ZNF827: variants seen among roughly 807,000 people sequenced by gnomAD.
ZNF827 encodes the protein zinc finger protein 827.
ZNF827 carries 13 observed loss-of-function variants against 102.4 expected under a neutral mutation model. The observed-to-expected ratio is 0.13, with a 90% confidence interval of 0.08 to 0.20. The LOEUF is 0.20. ZNF827 is among the 10% of genes least tolerant of loss of function. The probability of loss-of-function intolerance (pLI) is 1.00; values close to 1 mark genes in which losing one functional copy is unlikely to be tolerated. For missense variants in ZNF827, 1,103 were observed against 1,344.4 expected (o/e 0.82, Z 2.81); for synonymous variants, 523 against 536.2 (o/e 0.98, Z 0.34).
Position 145,902,423 on chromosome 4 carries a change from A to C in ZNF827, c.836T>G (p.Leu279Arg), listed in dbSNP as rs780301032. 1.2e-6 allele frequency: 2 copies of C among 1,614,098 alleles called. No individual in the cohort carries two copies. The highest frequency in any genetic ancestry group is 1.7e-6 in the Non-Finnish European group (2 of 1,180,038). Residue 279 changes from leucine (L) to arginine (R), a missense_variant, in exon 2 of 15, where the codon CTT (leucine) becomes CGT (arginine). Leu to Arg is a moderately radical substitution (Grantham distance 102). This residue lies in a region of ZNF827 where 441 missense variants were observed against 458.6 expected (regional missense o/e 0.96). Transcript: ENST00000508784. The surrounding 1 kb of genome is among the most constrained non-coding windows in gnomAD (Gnocchi z 4.3). ...QEHPPPASSFLSLASMTSSAA... is the reference protein window; with the variant it reads ...QEHPPPASSFRSLASMTSSAA... ...TGAGGAGGTCATAGAAGCCAGGGAAAGGAAGGAGCTGGCCGGTGGAGGGTG... is the reference window on the plus strand; with the variant it reads ...TGAGGAGGTCATAGAAGCCAGGGAACGGAAGGAGCTGGCCGGTGGAGGGTG...
chr4:145,850,123 C>T (rs1355120748), intron 5 of ZNF827, among the ~76,000 whole-genome samples: 1 of 151,966 alleles, frequency 6.6e-6, no homozygotes, highest in African/African-American at 2.4e-5. Flanking sequence ...GATTCTCCTG[C>T]CTCAGCCTCC....
At chr4:145,784,790 A>T (rs1313084968) in intron 8 of ZNF827, among the ~76,000 whole-genome samples, 2 of 152,168 alleles carry the variant, frequency 1.3e-5, no homozygotes, top group Non-Finnish European at 2.9e-5. Context: ...TATTTTACAT[A>T]GCTTGAATGT....
At chr4:145,788,321 T>C (rs1739182118) in intron 8 of ZNF827, among the ~76,000 whole-genome samples, 1 of 152,202 alleles carries the variant, frequency 6.6e-6, no homozygotes, top group Admixed American at 6.5e-5. Context: ...AAATGGCTAG[T>C]ACTAGGTGCC....
chr4:145,885,600 TAGACAG>T (rs1291744626), intron 4 of ZNF827, 72 bp downstream of exon 4: 53 of 1,449,442 alleles, frequency 3.7e-5, no homozygotes, highest in Non-Finnish European at 2.3e-5. Context: ...AGAATACTGG[TAGACAG>T]AGACAGAGAG....
Position 145,765,737 on chromosome 4 carries a change from C to T in ZNF827, c.2862G>A (p.Gly954=), listed in dbSNP as rs1377941582. ...ATTCGCTGGGGGTCTTCCTGTCTTC[C>T]CCTGAAAAATAAGCAAATAACCCAG... ...IKTHIGTKHT[G]EDRKTPSESN... is the part of the protein sequence containing the mutation. Residue 954 remains glycine, a splice_region_variant and synonymous_variant, in exon 12 of 15, where the codon GGG becomes GGA. Transcript: ENST00000508784. This position sits in a 1 kb window ranked among gnomAD's most constrained non-coding sequence, Gnocchi z 4.7. 1 of 1,612,470 alleles carries T rather than the reference C, an allele frequency of 6.2e-7. No individual in the cohort carries two copies. Among genetic ancestry groups the T allele is most frequent in the South Asian group, 1.1e-5 (1 of 90,804 alleles).
At chr4:145,810,954 G>T (rs955345722) in intron 8 of ZNF827, among the ~76,000 whole-genome samples, 1 of 151,336 alleles carries the variant, frequency 6.6e-6, no homozygotes. Flanking sequence ...AACTAACATG[G>T]AGTGTTATAC....
chr4:145,854,810 C>T (rs1005041399), intron 5 of ZNF827, among the ~76,000 whole-genome samples: 5 of 152,282 alleles, frequency 3.3e-5, no homozygotes, highest in Non-Finnish European at 2.9e-5. Flanking sequence ...GTATCTTCCT[C>T]GAGTGGCACT....
At chr4:145,783,910 GGA>G (rs1738474993) in intron 8 of ZNF827, among the ~76,000 whole-genome samples, 1 of 152,144 alleles carries the variant, frequency 6.6e-6, no homozygotes, top group African/African-American at 2.4e-5. Flanking sequence ...GGGCCTTGTG[GGA>G]GGTGATTGGA....
chr4:145,842,631 C>G (rs1402178469), intron 7 of ZNF827, among the ~76,000 whole-genome samples: 1 of 152,184 alleles, frequency 6.6e-6, no homozygotes, highest in Non-Finnish European at 1.5e-5. Context: ...CTCCCTACCT[C>G]ATGTCCTTGG....
At chr4:145,842,290 G>A (rs1579345004) in intron 7 of ZNF827, among the ~76,000 whole-genome samples, 1 of 152,196 alleles carries the variant, frequency 6.6e-6, no homozygotes, top group Non-Finnish European at 1.5e-5. Context: ...AAGGGGCAGA[G>A]CTGCCACTGG....
intron 7 of ZNF827, among the ~76,000 whole-genome samples, chr4:145,835,747 C>A (rs1175744691): frequency 8.5e-6 from 1 of 118,338 alleles, no homozygotes; most frequent in Non-Finnish European, 1.8e-5. Context: ...TCCCATCCCG[C>A]AGCACGCTTT....
At chr4:145,829,547 T>G (rs1744000529) in intron 7 of ZNF827, among the ~76,000 whole-genome samples, 1 of 152,234 alleles carries the variant, frequency 6.6e-6, no homozygotes, top group Non-Finnish European at 1.5e-5. Flanking sequence ...CTGGGGTAAT[T>G]TTTAATTTTC....
chr4:145,936,175 C>T (rs1754151376), intron 1 of ZNF827, among the ~76,000 whole-genome samples: 1 of 152,018 alleles, frequency 6.6e-6, no homozygotes, highest in African/African-American at 2.4e-5. Context: ...CCTCTCCCTC[C>T]CCCCACACGC....
Position 145,845,982 on chromosome 4 carries a change from T to A in ZNF827, c.2253A>T (p.Lys751Asn). The A allele has an allele frequency of 2.5e-6, 4 of 1,614,244 alleles. No homozygotes were observed. Among genetic ancestry groups the A allele is most frequent in the Non-Finnish European group, 3.4e-6 (4 of 1,180,044 alleles). The change falls in exon 7 of 15, where the codon AAA becomes AAT. Residue 751 changes from lysine to asparagine, a missense_variant. Around this residue, in one of 5 missense-constraint regions of ZNF827, gnomAD observed 243 missense variants for 251.6 expected, o/e 0.97. Coordinates refer to ENST00000508784, the MANE Select transcript of ZNF827 (RefSeq NM_001306215.2). ...TGGTCGTGGTCCGGATGGTGTTTTC[T>A]TTTGTATGATTGTGCTCTTTGCTCA... Reference protein sequence around the residue: ...EKVSKEHNHTKENTIRTTTSP... With the variant: ...EKVSKEHNHTNENTIRTTTSP...
chr4:145,876,975 C>A (rs1749199381), intron 4 of ZNF827: 1 of 152,064 alleles, frequency 6.6e-6, no homozygotes, highest in Non-Finnish European at 1.5e-5. Flanking sequence ...ACTAGATGAT[C>A]ACATTGCTAC....
At chr4:145,836,416 C>A (rs543459757) in intron 7 of ZNF827, among the ~76,000 whole-genome samples, 11 of 152,324 alleles carry the variant, frequency 7.2e-5, no homozygotes, top group African/African-American at 2.6e-4. Flanking sequence ...TGCTTTAATA[C>A]TTTTAGAGGC....
intron 1 of ZNF827, among the ~76,000 whole-genome samples, chr4:145,904,561 G>C (rs1185396494): frequency 6.6e-6 from 1 of 152,222 alleles, no homozygotes; most frequent in African/African-American, 2.4e-5. Flanking sequence ...TCACTGTGAA[G>C]GCCCTGCTGT....
chr4:145,816,023 C>G (rs948389978), intron 8 of ZNF827, among the ~76,000 whole-genome samples: 1 of 152,202 alleles, frequency 6.6e-6, no homozygotes, highest in East Asian at 1.9e-4. Flanking sequence ...ACTTGAGAAA[C>G]AAAGTCCTCA....
chr4:145,770,329 A>C (rs1736065664), intron 11 of ZNF827, among the ~76,000 whole-genome samples: 3 of 148,860 alleles, frequency 2.0e-5, no homozygotes, highest in Non-Finnish European at 3.0e-5. Flanking sequence ...TAAATAAATA[A>C]ATAAATAAAT....
Sources: gnomAD v4.1 joint callset for allele counts (sites outside exome capture counted in the v4.1 genomes callset) on GRCh38, gnomAD v4.1.1 for gene constraint, gnomAD v4.1.1 regional missense constraint, Gnocchi (gnomAD v3.1) non-coding constraint, MANE v1.5 for transcripts, NCBI Gene and HGNC (gene_info 2026-07-23, HGNC 2026-07-21) for gene names.